Variants in STRN4 observed in about 807,000 individuals in gnomAD.
The protein encoded by STRN4 is striatin-4.
STRN4 carries 27 observed loss-of-function variants against 77.9 expected under a neutral mutation model. The ratio of observed to expected loss-of-function variants is 0.35; its 90% CI spans 0.26 to 0.48. STRN4 has a LOEUF of 0.48. STRN4 is among the 20% of genes least tolerant of loss of function. STRN4 has a pLI of 0.99. For missense variants in STRN4, 798 were observed against 1,049.7 expected (o/e 0.76, Z 3.31); for synonymous variants, 466 against 443.1 (o/e 1.05, Z -0.65).
Position 46,746,197 on chromosome 19 carries a change from G to A in STRN4, c.234C>T (p.Arg78=). ...CCCAGCGGGCTTTCTCGGCTTCGAAGCGCGCCCACTCGTGCTGGATAAAGT... is the reference window on the plus strand; with the variant it reads ...CCCAGCGGGCTTTCTCGGCTTCGAAACGCGCCCACTCGTGCTGGATAAAGT... ...ILHFIQHEWA[R]FEAEKARWEA... is the part of the protein sequence containing the mutation. The change falls in exon 1 of 18, where the codon CGC becomes CGT. Residue 78 remains arginine (R), a synonymous_variant. Transcript: ENST00000263280. 1 of 1,539,818 alleles carries A rather than the reference G, an allele frequency of 6.5e-7. No homozygotes were observed. The highest frequency in any genetic ancestry group is 1.9e-5 in the Admixed American group (1 of 53,516).
rs1367472509 is a variant in STRN4, at chr19:46,738,506, C to T, written c.387-269G>A. On this transcript the variant is annotated intron_variant, in intron 2 of 17. Transcript: ENST00000263280. This position sits in a 1 kb window ranked among gnomAD's most constrained non-coding sequence, Gnocchi z 4.5. Reference sequence around the variant, plus strand: ...TATCTGAAACAGGGCTAACAATACCCGTTAGGCTATTGGAAGGTATAAGGG... The same window carrying T: ...TATCTGAAACAGGGCTAACAATACCTGTTAGGCTATTGGAAGGTATAAGGG... 6.6e-6 allele frequency among the ~76,000 whole-genome samples: 1 copy of T among 152,166 alleles called. No individual in the cohort carries two copies. Among genetic ancestry groups the T allele is most frequent in the Non-Finnish European group, 1.5e-5 (1 of 68,038 alleles).
chr19:46,731,262 A>AG (rs1298935606), intron 5 of STRN4, among the ~76,000 whole-genome samples: 1 of 152,340 alleles, frequency 6.6e-6, no homozygotes, highest in East Asian at 1.9e-4. Flanking sequence ...GTCAGGCAGG[A>AG]GGCAAACACG....
intron 4 of STRN4, among the ~76,000 whole-genome samples, chr19:46,734,079 T>C (rs1380062341): frequency 6.6e-6 from 1 of 152,164 alleles, no homozygotes; most frequent in Non-Finnish European, 1.5e-5. Context: ...TCTCATCCTG[T>C]GCGCCTGTGT....
chr19:46,721,927 G>T, intron 16 of STRN4, 59 bp downstream of exon 16: 1 of 1,593,454 alleles, frequency 6.3e-7, no homozygotes, highest in Non-Finnish European at 8.6e-7. Flanking sequence ...TGGAGCCAGT[G>T]CCCAGGCCTC....
rs1053398054 is a variant in STRN4, at chr19:46,728,171, C to T, written c.1040-164G>A. The T allele has an allele frequency of 1.1e-5, 8 of 747,890 alleles. No individual in the cohort carries two copies. In the African/African-American group the frequency reaches 1.4e-4, roughly 13 times the overall value. The allele number at this position is 747,890 out of a possible 1,614,324, so 46.3% of individuals were successfully genotyped here. A position where few individuals can be genotyped will look rare whatever the true frequency, so the allele number is the denominator to read the frequency against. On this transcript the variant is annotated intron_variant, in intron 7 of 17. Coordinates refer to ENST00000263280, the MANE Select transcript of STRN4 (RefSeq NM_013403.3). Reference sequence around the variant, plus strand: ...GGCAGAGGAGAGGAGGTTGATTGGGCCCCTCCGTGGGGCAGTGGGCAGGTC... The same window carrying T: ...GGCAGAGGAGAGGAGGTTGATTGGGTCCCTCCGTGGGGCAGTGGGCAGGTC...
chr19:46,733,147 T>C lies in STRN4; in HGVS notation c.629A>G (p.Asn210Ser), dbSNP rs1380094649. Reference protein sequence around the residue: ...RSLLGRSLELNGAVEPSEGAP... With the variant: ...RSLLGRSLELSGAVEPSEGAP... ...CCCTTCACTCGGCTCCACTGCCCCG[T>C]TGAGCTCCAGCGAGCGGCCCAGCAG... Residue 210 changes from asparagine (N) to serine (S), a missense_variant, in exon 5 of 18, where the codon AAC becomes AGC. This residue lies in a region of STRN4 where 511 missense variants were observed against 575.9 expected (regional missense o/e 0.89). Coordinates refer to ENST00000263280, the MANE Select transcript of STRN4 (RefSeq NM_013403.3). The surrounding 1 kb of genome is among the most constrained non-coding windows in gnomAD (Gnocchi z 4.3). 3.1e-6 allele frequency: 5 copies of C among 1,612,352 alleles called. No homozygotes were observed. In the South Asian group the frequency reaches 5.5e-5, roughly 18 times the overall value.
In STRN4 at chr19:46,746,137, G is replaced by A; in HGVS notation, c.282+12C>T. The A allele has an allele frequency of 1.3e-6, 2 of 1,504,188 alleles. No individual in the cohort carries two copies. The highest frequency in any genetic ancestry group is 8.8e-7 in the Non-Finnish European group (1 of 1,132,986). 93.2% of individuals were successfully genotyped at this position (1,504,188 alleles called of 1,614,324 possible). A position where few individuals can be genotyped will look rare whatever the true frequency, so the allele number is the denominator to read the frequency against. On this transcript the variant is annotated intron_variant, in intron 1 of 17. Transcript: ENST00000263280. Reference sequence around the variant, plus strand: ...CCGGGTTGGGGGTCGGGGGTCCCGGGACAGCGCTCACCTGTAACTCGGCGC... The same window carrying A: ...CCGGGTTGGGGGTCGGGGGTCCCGGAACAGCGCTCACCTGTAACTCGGCGC...
At position 46,722,043 on chromosome 19, in the gene STRN4, G is replaced by A. The variant is rs776354675; in HGVS notation, c.2035C>T (p.Leu679=). 1 of 1,613,406 alleles carries A rather than the reference G, an allele frequency of 6.2e-7. No homozygotes were observed. Among genetic ancestry groups the A allele is most frequent in the Non-Finnish European group, 8.5e-7 (1 of 1,180,020 alleles). The change falls in exon 16 of 18, where the codon CTG becomes TTG. Residue 679 remains leucine, a synonymous_variant. Coordinates refer to ENST00000263280, the MANE Select transcript of STRN4 (RefSeq NM_013403.3). ...ACGGCTAGGCAGGTGACTGCGTCCA[G>A]GTGTGCAACCATGGAGTGCACCGGC... ...GKPVHSMVAH[L]DAVTCLAVDP... is the part of the protein sequence containing the mutation.
chr19:46,729,114 A>T (rs2054191301), intron 6 of STRN4, among the ~76,000 whole-genome samples: 1 of 152,206 alleles, frequency 6.6e-6, no homozygotes, highest in Admixed American at 6.5e-5. Context: ...TCCGTGTGTG[A>T]ATATACGGAG....
At chr19:46,745,177 C>T (rs1286770460) in intron 1 of STRN4, among the ~76,000 whole-genome samples, 1 of 152,072 alleles carries the variant, frequency 6.6e-6, no homozygotes, top group Non-Finnish European at 1.5e-5. Flanking sequence ...CCATACTGGA[C>T]ATGCCCAACA....
At position 46,723,629 on chromosome 19, in the gene STRN4, C is replaced by T. The variant is rs566714928; in HGVS notation, c.1595-345G>A. On this transcript the variant is annotated intron_variant, in intron 12 of 17. Transcript: ENST00000263280. The surrounding 1 kb of genome is among the most constrained non-coding windows in gnomAD (Gnocchi z 5.5). ...CAGCATGGTTCTGTGGCCCCAGGAG[C>T]GGCACGCAGCCTGTGCTGGACAAGG... 2.0e-5 allele frequency among the ~76,000 whole-genome samples: 3 copies of T among 152,310 alleles called. No individual in the cohort carries two copies. The highest frequency in any genetic ancestry group is 6.5e-5 in the Admixed American group (1 of 15,296).
intron 4 of STRN4, among the ~76,000 whole-genome samples, chr19:46,735,548 A>G (rs2054342221): frequency 6.6e-6 from 1 of 152,170 alleles, no homozygotes; most frequent in East Asian, 1.9e-4. Flanking sequence ...GAGACCATAT[A>G]TGGCAAAATG....
At chr19:46,737,300 C>G (rs1299715927) in intron 3 of STRN4, among the ~76,000 whole-genome samples, 1 of 152,218 alleles carries the variant, frequency 6.6e-6, no homozygotes, top group African/African-American at 2.4e-5. Flanking sequence ...CAGCATCTCC[C>G]TCTTGGGAGT....
rs1022596605 is a variant in STRN4, at chr19:46,719,610, G to A, written c.*795C>T. On this transcript the variant is annotated 3_prime_UTR_variant, in exon 18 of 18. Transcript: ENST00000263280. ...AACCTGGAAGGGGACCGAGGGTGCA[G>A]GGTAGAACCAAACAAGAGAGTGAAA... The A allele has an allele frequency of 2.6e-5, 4 of 152,720 alleles. No individual in the cohort carries two copies. Among genetic ancestry groups the A allele is most frequent in the African/African-American group, 9.7e-5 (4 of 41,426 alleles). The allele number at this position is 152,720 out of a possible 1,614,324, so 9.5% of individuals were successfully genotyped here. A position where few individuals can be genotyped will look rare whatever the true frequency, so the allele number is the denominator to read the frequency against.
At position 46,727,760 on chromosome 19, in the gene STRN4, A is replaced by G. The variant is rs546916590; in HGVS notation, c.1153+134T>C. On this transcript the variant is annotated intron_variant, in intron 8 of 17. Coordinates refer to ENST00000263280, the MANE Select transcript of STRN4 (RefSeq NM_013403.3). Reference sequence around the variant, plus strand: ...GAGAGGGAGACAGACAGACAGACGAACTTTTGGGGCAGGGAGGCTGCAGAC... The same window carrying G: ...GAGAGGGAGACAGACAGACAGACGAGCTTTTGGGGCAGGGAGGCTGCAGAC... The G allele has an allele frequency of 1.6e-3, 1,363 of 858,212 alleles. 3 individuals carry two copies. The highest frequency in any genetic ancestry group is 2.1e-3 in the Admixed American group (76 of 35,868). The allele number at this position is 858,212 out of a possible 1,614,324, so 53.2% of individuals were successfully genotyped here.
intron 5 of STRN4, 124 bp downstream of exon 5, chr19:46,732,915 C>A: frequency 1.7e-6 from 2 of 1,168,466 alleles, no homozygotes; most frequent in Non-Finnish European, 2.4e-6. Flanking sequence ...CAAGGGAGCC[C>A]ACGGCATACT....
rs2054298737 is a variant in STRN4 at position 46,733,531 on chromosome 19, C to G, written c.540-295G>C. ...ACAGGGGCTGTGTCAGCAAATGACT[C>G]ATAGCGCTGCAAGGCAGAAGATCAA... On this transcript the variant is annotated intron_variant, in intron 4 of 17. Coordinates refer to ENST00000263280, the MANE Select transcript of STRN4 (RefSeq NM_013403.3). The surrounding 1 kb of genome is among the most constrained non-coding windows in gnomAD (Gnocchi z 4.3). 3 of 382,380 alleles carry G rather than the reference C, an allele frequency of 7.8e-6. No individual in the cohort carries two copies. Among genetic ancestry groups the G allele is most frequent in the African/African-American group, 2.1e-5 (1 of 48,646 alleles). The allele number at this position is 382,380 out of a possible 1,614,324, so 23.7% of individuals were successfully genotyped here.
At chr19:46,724,957 G>A in intron 11 of STRN4, 29 bp from the exon 12 acceptor site, 1 of 1,613,376 alleles carries the variant, frequency 6.2e-7, no homozygotes, top group Non-Finnish European at 8.5e-7. Context: ...TGGAAAGGGG[G>A]ATGAGACAAG....
At position 46,738,719 on chromosome 19, in the gene STRN4, G is replaced by A; in HGVS notation, c.386+66C>T. 1.3e-6 allele frequency: 2 copies of A among 1,481,984 alleles called. No homozygotes were observed. Among genetic ancestry groups the A allele is most frequent in the Non-Finnish European group, 1.9e-6 (2 of 1,061,466 alleles). 91.8% of individuals were successfully genotyped at this position (1,481,984 alleles called of 1,614,324 possible). ...CCTTAGCTGGAAGGAGGCGTGGCTG[G>A]TGGCCTCCTGACACTGTGCTTGAGA... On this transcript the variant is annotated intron_variant, in intron 2 of 17. Transcript: ENST00000263280. The surrounding 1 kb of genome is among the most constrained non-coding windows in gnomAD (Gnocchi z 4.5).
Sources: allele counts gnomAD v4.1 joint callset (sites outside exome capture counted in the v4.1 genomes callset), GRCh38; gene constraint gnomAD v4.1.1; regional missense constraint gnomAD v4.1.1; non-coding constraint Gnocchi (gnomAD v3.1); transcripts MANE v1.5; gene names NCBI Gene and HGNC (gene_info 2026-07-23, HGNC 2026-07-21).